SHROOM2: variants seen among roughly 807,000 people sequenced by gnomAD.
SHROOM2 encodes shroom family member 2.
SHROOM2 carries 33 observed loss-of-function variants against 75.9 expected under a neutral mutation model. The ratio of observed to expected loss-of-function variants is 0.43; its 90% CI spans 0.33 to 0.58. SHROOM2 has a LOEUF of 0.58. SHROOM2 is among the 20% of genes least tolerant of loss of function. The pLI is 0.04. For missense variants in SHROOM2, 1,434 were observed against 1,461.2 expected, an observed-to-expected ratio of 0.98 and a Z score of 0.30; for synonymous variants, 655 against 663.6, an observed-to-expected ratio of 0.99 and a Z score of 0.20.
chrX:9,799,571 A>G (rs925511691), intron 1 of SHROOM2, among the ~76,000 whole-genome samples: 3 of 111,690 alleles, frequency 2.7e-5, no homozygotes, highest in Non-Finnish European at 5.6e-5. Flanking sequence ...ACTGAAAAAA[A>G]TGTTCAATTC....
chrX:9,919,331 T>A (rs1451634013), intron 5 of SHROOM2, among the ~76,000 whole-genome samples: 39 of 82,592 alleles, frequency 4.7e-4, no homozygotes, highest in Non-Finnish European at 7.6e-4. Flanking sequence ...TTGCTTTTTT[T>A]TTTTTTTTTT....
chrX:9,933,327 T>G (rs190177725), intron 6 of SHROOM2, among the ~76,000 whole-genome samples: 1 of 111,564 alleles, frequency 9.0e-6, no homozygotes, highest in East Asian at 2.8e-4. Context: ...CCAGATTTTT[T>G]TTTAATGTTA....
At chrX:9,790,197 G>A (rs1219130168) in intron 1 of SHROOM2, among the ~76,000 whole-genome samples, 3 of 111,791 alleles carry the variant, frequency 2.7e-5, no homozygotes, top group Non-Finnish European at 5.6e-5. Context: ...TGATGGGCAG[G>A]AGTGGAGGCC....
intron 5 of SHROOM2, among the ~76,000 whole-genome samples, chrX:9,902,111 A>T (rs778948482): frequency 8.2e-4 from 91 of 110,515 alleles, no homozygotes; most frequent in Non-Finnish European, 1.7e-3. Flanking sequence ...GGATAGATGG[A>T]TGAATGGAAG....
intron 1 of SHROOM2, among the ~76,000 whole-genome samples, chrX:9,814,742 C>T (rs1047019858): frequency 1.8e-5 from 2 of 111,455 alleles, no homozygotes; most frequent in Non-Finnish European, 3.8e-5. Flanking sequence ...AAAGGTTCAT[C>T]GGAGTTTACA....
chrX:9,861,984 G>A (rs1020185504), intron 1 of SHROOM2, among the ~76,000 whole-genome samples: 5 of 111,753 alleles, frequency 4.5e-5, no homozygotes, highest in Admixed American at 2.9e-4. Flanking sequence ...GTTGGAACAG[G>A]AGTGCTTCAT....
intron 6 of SHROOM2, among the ~76,000 whole-genome samples, chrX:9,935,963 G>A (rs757554395): frequency 5.3e-4 from 59 of 111,455 alleles, no homozygotes; most frequent in Non-Finnish European, 9.4e-4. Context: ...GGTCTAGCAC[G>A]GTGCCGCTGA....
At chrX:9,856,037 T>TG (rs1167607462) in intron 1 of SHROOM2, among the ~76,000 whole-genome samples, 8 of 108,262 alleles carry the variant, frequency 7.4e-5, no homozygotes, top group Admixed American at 5.0e-4. Flanking sequence ...TTTTTTTTTT[T>TG]TTTTTTTAAA....
chrX:9,914,064 C>T (rs1339101450), intron 5 of SHROOM2, among the ~76,000 whole-genome samples: 1 of 88,577 alleles, frequency 1.1e-5, no homozygotes, highest in East Asian at 4.2e-4. Context: ...CGCCCACCCC[C>T]CTGCCCCCCC....
intron 8 of SHROOM2, among the ~76,000 whole-genome samples, chrX:9,940,656 TC>T (rs1217928581): frequency 8.9e-6 from 1 of 112,334 alleles, no homozygotes; most frequent in Non-Finnish European, 1.9e-5. Flanking sequence ...TTACATTTTC[TC>T]CCTGCTTTCC....
chrX:9,877,166 T>C (rs912407667), intron 2 of SHROOM2, among the ~76,000 whole-genome samples: 4 of 111,882 alleles, frequency 3.6e-5, no homozygotes, highest in Non-Finnish European at 7.5e-5. Flanking sequence ...ACGTGGACCT[T>C]GTGGTCGTTG....
At chrX:9,907,326 C>G (rs1387088884) in intron 5 of SHROOM2, among the ~76,000 whole-genome samples, 1 of 111,063 alleles carries the variant, frequency 9.0e-6, no homozygotes, top group African/African-American at 3.3e-5. Flanking sequence ...CAGGCTGTGT[C>G]TCTGAATAGA....
chrX:9,914,071 C>G (rs887629197), intron 5 of SHROOM2, among the ~76,000 whole-genome samples: 1 of 86,952 alleles, frequency 1.2e-5, no homozygotes, highest in Non-Finnish European at 2.2e-5. Flanking sequence ...CCCCCTGCCC[C>G]CCCGCCCCTC....
At position 9,786,842 on chromosome X, in the gene SHROOM2, C is replaced by G. The variant is rs1408217029; in HGVS notation, c.165+132C>G. The G allele has an allele frequency of 1.6e-5, 7 of 451,160 alleles. No homozygotes were observed. The African/African-American group carries it at 1.6e-4, about 10-fold the overall frequency. The allele number at this position is 451,160 out of a possible 1,213,427, so 37.2% of individuals were successfully genotyped here. ...TGGCGCGCGCGTCTGCTGGGGTCAC[C>G]TGCCGGGCCTGGGCGCCGGGACCGG... On this transcript the variant is annotated intron_variant, in intron 1 of 9. Transcript: ENST00000380913.
intron 5 of SHROOM2, among the ~76,000 whole-genome samples, chrX:9,920,326 G>A (rs186431622): frequency 8.9e-6 from 1 of 112,498 alleles, no homozygotes; most frequent in East Asian, 2.8e-4. Context: ...ACAGGTGAAA[G>A]TGTTTGGTAA....
At chrX:9,886,367 T>A (rs868341226) in intron 2 of SHROOM2, among the ~76,000 whole-genome samples, 1 of 111,346 alleles carries the variant, frequency 9.0e-6, no homozygotes, top group Non-Finnish European at 1.9e-5. Context: ...TATCTTTTTG[T>A]CCCCGCCGAT....
Position 9,939,210 on chromosome X carries a change from C to T in SHROOM2, c.4155C>T (p.Ser1385=), listed in dbSNP as rs758944318. The T allele has an allele frequency of 6.6e-6, 8 of 1,204,175 alleles. 1 individual carries two copies. Among genetic ancestry groups the T allele is most frequent in the African/African-American group, 3.5e-5 (2 of 57,119 alleles). The change falls in exon 8 of 10, where the codon AGC becomes AGT. Residue 1385 remains serine (S), a synonymous_variant. Transcript: ENST00000380913. Reference sequence around the variant, plus strand: ...CTTTACCCAGGAAAGAGGAGCCCAGCGTGCCTGCGGCCGTGTCCCTGGCCA... The same window carrying T: ...CTTTACCCAGGAAAGAGGAGCCCAGTGTGCCTGCGGCCGTGTCCCTGGCCA... ...RSTEERKEEP[S]VPAAVSLATN...
chrX:9,861,465 C>T (rs772922061), intron 1 of SHROOM2, among the ~76,000 whole-genome samples: 87 of 112,126 alleles, frequency 7.8e-4, no homozygotes, highest in African/African-American at 2.8e-3. Flanking sequence ...CCACCATGCC[C>T]GGCATATATA....
intron 1 of SHROOM2, among the ~76,000 whole-genome samples, chrX:9,827,446 A>G (rs1344668633): frequency 1.9e-5 from 2 of 107,536 alleles, no homozygotes; most frequent in Non-Finnish European, 3.8e-5. Context: ...TGCAAAGCTC[A>G]TGGTGAACAT....
Sources: allele counts gnomAD v4.1 joint callset (sites outside exome capture counted in the v4.1 genomes callset), GRCh38; gene constraint gnomAD v4.1.1; transcripts MANE v1.5; gene names NCBI Gene and HGNC (gene_info 2026-07-23, HGNC 2026-07-21).